The following BRD4 variants were observed in gnomAD, a reference collection of about 807,000 sequenced individuals.
BRD4 encodes bromodomain-containing protein 4.
Under a neutral mutation model 142.1 loss-of-function variants are expected in BRD4, and 16 were observed. The observed-to-expected ratio is 0.11, with a 90% CI of 0.08 to 0.17. BRD4 has a LOEUF of 0.17. BRD4 is among the 10% of genes least tolerant of loss of function. The pLI is 1.00. For missense variants in BRD4, 1,424 were observed against 1,810.9 expected (o/e 0.79, Z 3.88); for synonymous variants, 833 against 707.5 (o/e 1.18, Z -2.82).
At chr19:15,330,441 C>T (rs539404329) in intron 1 of BRD4, among the ~76,000 whole-genome samples, 1 of 152,288 alleles carries the variant, frequency 6.6e-6, no homozygotes, top group East Asian at 1.9e-4. Flanking sequence ...ACATAATCCC[C>T]ACCCAAATTA....
intron 1 of BRD4, among the ~76,000 whole-genome samples, chr19:15,315,516 G>T (rs746453566): frequency 3.3e-5 from 5 of 152,110 alleles, no homozygotes; most frequent in African/African-American, 9.7e-5. Flanking sequence ...GGATTGGGGG[G>T]GGGAAGCACC....
rs141526816 is a variant in BRD4, at chr19:15,322,758, T to C, written c.-35+9532A>G. ...GGCAGGTGCCTGTAGTCCCAGCTAC[T>C]TGGGAGGCTGAAGCAGGAGAATAGC... On this transcript the variant is annotated intron_variant, in intron 1 of 19. Transcript: ENST00000679869. 4.6e-3 allele frequency among the ~76,000 whole-genome samples: 685 copies of C among 149,086 alleles called. 6 individuals carry two copies. Among genetic ancestry groups the C allele is most frequent in the African/African-American group, 0.016 (657 of 40,540 alleles).
chr19:15,322,724 A>T (rs1203539100), intron 1 of BRD4, among the ~76,000 whole-genome samples: 1 of 148,302 alleles, frequency 6.7e-6, no homozygotes, highest in Non-Finnish European at 1.5e-5. Context: ...AAAATTAGCC[A>T]GGCATGGTGG....
intron 1 of BRD4, among the ~76,000 whole-genome samples, chr19:15,307,373 G>C (rs1048110957): frequency 2.0e-5 from 3 of 152,168 alleles, no homozygotes; most frequent in Non-Finnish European, 4.4e-5. Context: ...CAGGGAAACA[G>C]GATCAAAGAT....
chr19:15,277,229 G>T (rs914246593), intron 1 of BRD4, among the ~76,000 whole-genome samples: 1 of 152,102 alleles, frequency 6.6e-6, no homozygotes, highest in Admixed American at 6.6e-5. Context: ...CTACATAATC[G>T]AACTTGATGT....
intron 1 of BRD4, among the ~76,000 whole-genome samples, chr19:15,288,733 G>A (rs1260216847): frequency 1.3e-5 from 2 of 152,372 alleles, no homozygotes; most frequent in South Asian, 2.1e-4. Context: ...TGGCCACTAA[G>A]CCGTGGCGGG....
At chr19:15,263,029 T>C (rs2047490802) in intron 7 of BRD4, among the ~76,000 whole-genome samples, 1 of 152,182 alleles carries the variant, frequency 6.6e-6, no homozygotes, top group South Asian at 2.1e-4. Flanking sequence ...CTTACGGCTC[T>C]GGTGGAGGGA....
chr19:15,307,347 T>C (rs1435863973), intron 1 of BRD4, among the ~76,000 whole-genome samples: 1 of 152,176 alleles, frequency 6.6e-6, no homozygotes, highest in Non-Finnish European at 1.5e-5. Flanking sequence ...GTGCTTCTGC[T>C]ACCCAATCTC....
At chr19:15,256,415 A>T in intron 8 of BRD4, 152 bp from the exon 9 acceptor site, 1 of 911,604 alleles carries the variant, frequency 1.1e-6, no homozygotes, top group South Asian at 1.6e-5. Flanking sequence ...GAAGGCCCCC[A>T]GCTTTGCGCC....
intron 7 of BRD4, among the ~76,000 whole-genome samples, chr19:15,259,019 G>T (rs982392777): frequency 6.6e-6 from 1 of 152,096 alleles, no homozygotes; most frequent in African/African-American, 2.4e-5. Context: ...AGGAAAAGGT[G>T]GGGGGCTTCA....
chr19:15,260,592 G>C (rs535781001), intron 7 of BRD4, among the ~76,000 whole-genome samples: 1 of 152,288 alleles, frequency 6.6e-6, no homozygotes, highest in East Asian at 1.9e-4. Context: ...CTGGGCCAGA[G>C]GCAGCCCACC....
Position 15,264,516 on chromosome 19 carries a change from T to C in BRD4, c.1100A>G (p.Lys367Arg), listed in dbSNP as rs981405950. ...CSGILKEMFAKKHAAYAWPFY... is the reference protein window; with the variant it reads ...CSGILKEMFARKHAAYAWPFY... ...GGGCCAGGCGTAGGCGGCGTGCTTC[T>C]TGGCAAACATCTCCTTGAGGATGCC... The change falls in exon 6 of 20, where the codon AAG becomes AGG. Residue 367 changes from lysine to arginine, a missense_variant. Around this residue, in one of 16 missense-constraint regions of BRD4, gnomAD observed 30 missense variants for 65.2 expected, o/e 0.46. Coordinates refer to ENST00000679869, the MANE Select transcript of BRD4 (RefSeq NM_001379291.1). 4 of 1,614,214 alleles carry C rather than the reference T, an allele frequency of 2.5e-6. No homozygotes were observed. Among genetic ancestry groups the C allele is most frequent in the Non-Finnish European group, 3.4e-6 (4 of 1,180,042 alleles).
intron 1 of BRD4, among the ~76,000 whole-genome samples, chr19:15,320,899 T>A (rs2048055651): frequency 6.6e-6 from 1 of 152,264 alleles, no homozygotes; most frequent in African/African-American, 2.4e-5. Flanking sequence ...CAGCCATCCA[T>A]AATTTCTTGC....
At chr19:15,240,572 C>G (rs1397332232) in intron 14 of BRD4, among the ~76,000 whole-genome samples, 1 of 152,182 alleles carries the variant, frequency 6.6e-6, no homozygotes, top group Non-Finnish European at 1.5e-5. Flanking sequence ...AAGAGAGAAG[C>G]CTGGAATTGG....
chr19:15,288,405 TAATA>T (rs1278444287), intron 1 of BRD4, among the ~76,000 whole-genome samples: 3 of 152,012 alleles, frequency 2.0e-5, no homozygotes, highest in African/African-American at 7.3e-5. Flanking sequence ...TCTCAAAAAA[TAATA>T]AATAAAAATA....
chr19:15,295,854 C>T (rs972735326), intron 1 of BRD4, among the ~76,000 whole-genome samples: 1 of 152,140 alleles, frequency 6.6e-6, no homozygotes. Flanking sequence ...GCCTGTAATC[C>T]CAGCTATTCG....
chr19:15,260,574 G>A (rs566802997), intron 7 of BRD4, among the ~76,000 whole-genome samples: 25 of 152,238 alleles, frequency 1.6e-4, no homozygotes, highest in African/African-American at 5.1e-4. Flanking sequence ...AAGGGCAGGC[G>A]AAACAGGCTG....
chr19:15,264,628 G>C lies in BRD4; in HGVS notation c.988C>G (p.Pro330Ala). 1 of 1,613,944 alleles carries C rather than the reference G, an allele frequency of 6.2e-7. No individual in the cohort carries two copies. Among genetic ancestry groups the C allele is most frequent in the African/African-American group, 1.3e-5 (1 of 75,030 alleles). The change falls in exon 6 of 20, where the codon CCT becomes GCT. Residue 330 changes from proline to alanine, a missense_variant. This residue lies in a region of BRD4 where 86 missense variants were observed against 79.9 expected (regional missense o/e 1.08). Coordinates refer to ENST00000679869, the MANE Select transcript of BRD4 (RefSeq NM_001379291.1). ...QRRESSRPVKPPKKDVPDSQQ... is the reference protein window; with the variant it reads ...QRRESSRPVKAPKKDVPDSQQ... The stretch of plus-strand genomic sequence containing the variant: ...GAGTCGGGCACGTCCTTCTTTGGAG[G>C]TTTCACAGGCCGGCTGCTCTCCCGC...
chr19:15,249,043 T>C, intron 11 of BRD4: 2 of 601,442 alleles, frequency 3.3e-6, no homozygotes, highest in Non-Finnish European at 5.8e-6. Context: ...AGCCAGGCAG[T>C]CTTTACACAG....
Sources: allele counts gnomAD v4.1 joint callset (sites outside exome capture counted in the v4.1 genomes callset), GRCh38; gene constraint gnomAD v4.1.1; regional missense constraint gnomAD v4.1.1; transcripts MANE v1.5; gene names NCBI Gene and HGNC (gene_info 2026-07-23, HGNC 2026-07-21).